LMNB1: variants seen among roughly 807,000 people sequenced by gnomAD.
LMNB1 encodes the protein lamin B1, also known as lamin-B1.
LMNB1 carries 23 observed loss-of-function variants against 67.1 expected under a neutral mutation model. That is an observed-to-expected ratio of 0.34 (90% confidence interval 0.25 to 0.49). The LOEUF is 0.49. Ranked by LOEUF, LMNB1 falls within the 20% of genes least tolerant of loss-of-function variation. The probability of loss-of-function intolerance (pLI) is 0.99; values close to 1 mark genes in which losing one functional copy is unlikely to be tolerated. For synonymous variants in LMNB1, 281 were observed against 282.9 expected (o/e 0.99, Z 0.07); for missense variants, 634 against 746.5 (o/e 0.85, Z 1.76).
intron 1 of LMNB1, among the ~76,000 whole-genome samples, chr5:126,780,156 A>T (rs928174107): frequency 1.3e-5 from 2 of 152,032 alleles, no homozygotes; most frequent in African/African-American, 4.8e-5. Flanking sequence ...GGTCCACTGC[A>T]CTCCAGCCTG....
chr5:126,785,068 CT>C, intron 1 of LMNB1, among the ~76,000 whole-genome samples: 1 of 151,746 alleles, frequency 6.6e-6, no homozygotes, highest in Admixed American at 6.6e-5. Context: ...CAATCTCTGC[CT>C]CCCGGGTTCA....
At chr5:126,784,199 T>C (rs1750704472) in intron 1 of LMNB1, among the ~76,000 whole-genome samples, 1 of 147,158 alleles carries the variant, frequency 6.8e-6, no homozygotes, top group African/African-American at 2.5e-5. Context: ...TGATTTTGTA[T>C]TTTTTTTTTA....
rs1298849517 is a variant in LMNB1 at position 126,836,722 on chromosome 5, T to C, written c.*458T>C. On this transcript the variant is annotated 3_prime_UTR_variant, in exon 11 of 11. Transcript: ENST00000261366. ...CATTTTTCAATATATTGAACTTTTGTACTGAATTTTTTTGTAATAAGCAAT... is the reference window on the plus strand; with the variant it reads ...CATTTTTCAATATATTGAACTTTTGCACTGAATTTTTTTGTAATAAGCAAT... 3 of 391,116 alleles carry C rather than the reference T, an allele frequency of 7.7e-6. No homozygotes were observed. The highest frequency in any genetic ancestry group is 6.2e-5 in the African/African-American group (3 of 48,456). 24.2% of individuals were successfully genotyped at this position (391,116 alleles called of 1,614,324 possible).
chr5:126,811,642 A>G (rs1331065028), intron 4 of LMNB1, 131 bp from the exon 5 acceptor site: 1 of 723,606 alleles, frequency 1.4e-6, no homozygotes, highest in African/African-American at 1.8e-5. Context: ...AGCAAACTTC[A>G]TGATGCTTTT....
At chr5:126,781,465 A>G (rs1319378595) in intron 1 of LMNB1, among the ~76,000 whole-genome samples, 11 of 151,214 alleles carry the variant, frequency 7.3e-5, no homozygotes, top group African/African-American at 1.7e-4. Flanking sequence ...TCTGGCATCT[A>G]GGGTTGTTAA....
intron 8 of LMNB1, among the ~76,000 whole-genome samples, 173 bp from the exon 9 acceptor site, chr5:126,825,815 G>A (rs1751980670): frequency 6.6e-6 from 1 of 152,170 alleles, no homozygotes; most frequent in South Asian, 2.1e-4. Context: ...GGAAGCTGAG[G>A]CCTTGAGAAG....
chr5:126,785,749 C>T (rs890245743), intron 1 of LMNB1, among the ~76,000 whole-genome samples: 5 of 151,868 alleles, frequency 3.3e-5, no homozygotes, highest in African/African-American at 1.2e-4. Context: ...ACCAGCGGCT[C>T]ATGCCTGCAA....
At chr5:126,803,330 C>G (rs549481116) in intron 1 of LMNB1, among the ~76,000 whole-genome samples, 1 of 152,038 alleles carries the variant, frequency 6.6e-6, no homozygotes, top group South Asian at 2.1e-4. Context: ...ACTGCAACCT[C>G]TGCCTCCTGG....
Position 126,811,815 on chromosome 5 carries a change from G to A in LMNB1, c.856G>A (p.Val286Ile), listed in dbSNP as rs767520474. ...RLSSEMNTST[V>I]NSAREELMES... The stretch of plus-strand genomic sequence containing the variant: ...GTCATCAGAGATGAATACTTCTACT[G>A]TCAACAGTGCCAGGGAAGAACTGAT... The change falls in exon 5 of 11, where the codon GTC becomes ATC. Residue 286 changes from valine to isoleucine, a missense_variant. Physicochemically the swap from Val to Ile is conservative, Grantham distance 29. Transcript: ENST00000261366. The A allele has an allele frequency of 4.3e-6, 7 of 1,612,228 alleles. No individual in the cohort carries two copies. In the African/African-American group the frequency reaches 5.3e-5, roughly 12 times the overall value.
rs756390936 is a variant in LMNB1 at position 126,811,819 on chromosome 5, A to G, written c.860A>G (p.Asn287Ser). 2.5e-6 allele frequency: 4 copies of G among 1,612,750 alleles called. No individual in the cohort carries two copies. Among genetic ancestry groups the G allele is most frequent in the Non-Finnish European group, 3.4e-6 (4 of 1,178,812 alleles). The stretch of plus-strand genomic sequence containing the variant: ...TCAGAGATGAATACTTCTACTGTCA[A>G]CAGTGCCAGGGAAGAACTGATGGAA... ...LSSEMNTSTV[N>S]SAREELMESR... Residue 287 changes from asparagine (N) to serine (S), a missense_variant, in exon 5 of 11, where the codon AAC becomes AGC. By Grantham distance (46) the Asn-to-Ser change is conservative. Coordinates refer to ENST00000261366, the MANE Select transcript of LMNB1 (RefSeq NM_005573.4).
intron 1 of LMNB1, among the ~76,000 whole-genome samples, chr5:126,799,240 G>A (rs1056193022): frequency 1.3e-5 from 2 of 152,122 alleles, no homozygotes; most frequent in African/African-American, 4.8e-5. Context: ...GGATGGTCTC[G>A]ATCTCCTGAC....
intron 6 of LMNB1, 62 bp downstream of exon 6, chr5:126,819,204 GAAATAA>G: frequency 9.1e-7 from 1 of 1,100,152 alleles, no homozygotes; most frequent in Middle Eastern, 2.0e-4. Flanking sequence ...CCTTTTTATT[GAAATAA>G]AAATAAATAG....
In LMNB1 at chr5:126,802,114, C is replaced by T. The variant is rs565346292; in HGVS notation, c.360-2662C>T. Among the ~76,000 whole-genome samples, 274 of 152,158 alleles carry T rather than the reference C, an allele frequency of 1.8e-3. 1 individual carries two copies. Among genetic ancestry groups the T allele is most frequent in the African/African-American group, 5.9e-3 (245 of 41,524 alleles). ...ACAGTTAATTTTTTCCTCTTCTGGA[C>T]TAGTCTTCAGTTAAAGCCTGCCATC... On this transcript the variant is annotated intron_variant, in intron 1 of 10. Transcript: ENST00000261366.
At chr5:126,799,173 C>T (rs1751198776) in intron 1 of LMNB1, among the ~76,000 whole-genome samples, 1 of 152,100 alleles carries the variant, frequency 6.6e-6, no homozygotes, top group Non-Finnish European at 1.5e-5. Context: ...CGCCCGCCAC[C>T]TCGCCCGGCT....
intron 7 of LMNB1, 123 bp from the exon 8 acceptor site, chr5:126,822,658 A>T (rs1449125870): frequency 1.4e-5 from 8 of 566,782 alleles, no homozygotes; most frequent in Non-Finnish European, 2.5e-5. Flanking sequence ...GAAAACCTGA[A>T]ATGTGGGAAG....
chr5:126,803,255 T>C (rs943899657), intron 1 of LMNB1, among the ~76,000 whole-genome samples: 5 of 151,906 alleles, frequency 3.3e-5, no homozygotes, highest in Non-Finnish European at 7.4e-5. Context: ...TTTGTTTTTG[T>C]TGTTTTTGAG....
At chr5:126,806,325 CTATT>C (rs1184802013) in intron 3 of LMNB1, among the ~76,000 whole-genome samples, 1 of 152,230 alleles carries the variant, frequency 6.6e-6, no homozygotes, top group African/African-American at 2.4e-5. Context: ...CATTAGTTAT[CTATT>C]CCTGCCTAAC....
intron 3 of LMNB1, among the ~76,000 whole-genome samples, chr5:126,806,781 A>ATT (rs34847891): frequency 3.6e-4 from 53 of 147,988 alleles, no homozygotes; most frequent in African/African-American, 3.7e-4. Context: ...AGGCGTGTAA[A>ATT]TTTTTTTTTT....
At chr5:126,788,754 T>G (rs1750874638) in intron 1 of LMNB1, among the ~76,000 whole-genome samples, 1 of 152,080 alleles carries the variant, frequency 6.6e-6, no homozygotes, top group Admixed American at 6.6e-5. Context: ...CCTTAGGTGA[T>G]TGTTGACTGA....
Sources: allele counts gnomAD v4.1 joint callset (sites outside exome capture counted in the v4.1 genomes callset), GRCh38; gene constraint gnomAD v4.1.1; transcripts MANE v1.5; gene names NCBI Gene and HGNC (gene_info 2026-07-23, HGNC 2026-07-21).